ANKRD22: variants seen among roughly 807,000 people sequenced by gnomAD.
ANKRD22 encodes the protein ankyrin repeat domain 22, also known as ankyrin repeat domain-containing protein 22.
A neutral mutation model predicts 25.7 loss-of-function variants in ANKRD22; 24 were observed. That is an observed-to-expected ratio of 0.93 (90% CI 0.68 to 1.31). The LOEUF is 1.31. ANKRD22 is among the 50% of genes most tolerant of loss of function. The probability of loss-of-function intolerance (pLI) is 0.00; values close to 1 mark genes in which losing one functional copy is unlikely to be tolerated. For missense variants in ANKRD22, 214 were observed against 227.1 expected, an observed-to-expected ratio of 0.94 and a Z score of 0.37; for synonymous variants, 84 against 84.3, an observed-to-expected ratio of 1.00 and a Z score of 0.02.
At chr10:88,827,390 T>C (rs115259278) in intron 3 of ANKRD22, among the ~76,000 whole-genome samples, 1,950 of 152,348 alleles carry the variant, frequency 0.013, 48 homozygotes, top group African/African-American at 0.044. Context: ...CTCCAGCCTC[T>C]AAACATTGAA....
chr10:88,840,554 T>C (rs1843994786), intron 1 of ANKRD22, among the ~76,000 whole-genome samples: 1 of 152,046 alleles, frequency 6.6e-6, no homozygotes, highest in South Asian at 2.1e-4. Context: ...TGCCTGTGGC[T>C]CAGAGGAATT....
intron 1 of ANKRD22, among the ~76,000 whole-genome samples, chr10:88,850,771 G>GAT (rs149109910): frequency 0.016 from 2,438 of 152,110 alleles, 63 homozygotes; most frequent in East Asian, 0.14. Flanking sequence ...CACACGGAGA[G>GAT]ATATATACAC....
At chr10:88,824,165 T>G (rs1843831876) in intron 4 of ANKRD22, among the ~76,000 whole-genome samples, 1 of 152,220 alleles carries the variant, frequency 6.6e-6, no homozygotes, top group South Asian at 2.1e-4. Context: ...CAGAGACATT[T>G]CCCAAACGTG....
intron 4 of ANKRD22, among the ~76,000 whole-genome samples, chr10:88,825,414 C>A (rs1353411375): frequency 6.6e-6 from 1 of 152,248 alleles, no homozygotes; most frequent in Admixed American, 6.5e-5. Context: ...GCGGATGCTG[C>A]TACTGTTGTT....
intron 3 of ANKRD22, among the ~76,000 whole-genome samples, chr10:88,826,364 AC>A (rs1843856260): frequency 6.6e-6 from 1 of 152,106 alleles, no homozygotes; most frequent in South Asian, 2.1e-4. Flanking sequence ...CTCAGGTCCC[AC>A]CCCAAACCTA....
chr10:88,820,496 T>C lies in ANKRD22; in HGVS notation c.*2445A>G. 1 of 1,549,994 alleles carries C rather than the reference T, an allele frequency of 6.5e-7. No homozygotes were observed. Among genetic ancestry groups the C allele is most frequent in the Non-Finnish European group, 8.7e-7 (1 of 1,146,650 alleles). ...TTCCCAGGGACGGTGTGAGGCCGTA[T>C]TGTGAAGCATCTGACACTGACGATC... is the stretch of plus-strand genomic sequence containing the variant. On this transcript the variant is annotated 3_prime_UTR_variant, in exon 6 of 6. Transcript: ENST00000371930.
rs533612534 is a variant in ANKRD22, at chr10:88,821,480, A to G, written c.*1461T>C. Among the ~76,000 whole-genome samples the G allele has an allele frequency of 1.6e-4, 24 of 152,358 alleles. No individual in the cohort carries two copies. The highest frequency in any genetic ancestry group is 1.9e-4 in the African/African-American group (8 of 41,580). On this transcript the variant is annotated 3_prime_UTR_variant, in exon 6 of 6. Transcript: ENST00000371930. Reference sequence around the variant, plus strand: ...CCAAATCAAAGGTTTGTGTGTGTCAAAAGTATATTGTTGAAGGTATACTGG... The same window carrying G: ...CCAAATCAAAGGTTTGTGTGTGTCAGAAGTATATTGTTGAAGGTATACTGG...
Position 88,826,118 on chromosome 10 carries a change from A to G in ANKRD22, c.322-3T>C, listed in dbSNP as rs989734844. On this transcript the variant is annotated splice_polypyrimidine_tract_variant and splice_region_variant and intron_variant, in intron 3 of 5. Coordinates refer to ENST00000371930, the MANE Select transcript of ANKRD22 (RefSeq NM_144590.3). ...TCATTCTGCTTTGTCTTTGATACCTATTACAAATGGTAATTATAAGAAAGG... is the reference window on the plus strand; with the variant it reads ...TCATTCTGCTTTGTCTTTGATACCTGTTACAAATGGTAATTATAAGAAAGG... 7.5e-6 allele frequency: 12 copies of G among 1,601,022 alleles called. No homozygotes were observed. Among genetic ancestry groups the G allele is most frequent in the African/African-American group, 5.4e-5 (4 of 74,498 alleles).
At position 88,821,338 on chromosome 10, in the gene ANKRD22, C is replaced by T. The variant is rs1264544509; in HGVS notation, c.*1603G>A. Among the ~76,000 whole-genome samples, 2 of 152,224 alleles carry T rather than the reference C, an allele frequency of 1.3e-5. No homozygotes were observed. Among genetic ancestry groups the T allele is most frequent in the Non-Finnish European group, 1.5e-5 (1 of 68,046 alleles). ...CTTGACAAAGTTAATGTCAGACAGT[C>T]TCTGCAACTCATTGACAAACCATGA... On this transcript the variant is annotated 3_prime_UTR_variant, in exon 6 of 6. Transcript: ENST00000371930.
chr10:88,849,715 T>C (rs1844085775), intron 1 of ANKRD22, among the ~76,000 whole-genome samples: 1 of 152,138 alleles, frequency 6.6e-6, no homozygotes, highest in African/African-American at 2.4e-5. Flanking sequence ...TTGTTGCTAT[T>C]GTAAATATTA....
At position 88,822,897 on chromosome 10, in the gene ANKRD22, AG is replaced by A. The variant is rs942186046; in HGVS notation, c.*43del. On this transcript the variant is annotated 3_prime_UTR_variant, in exon 6 of 6. Transcript: ENST00000371930. ...AAAGTCTAAAATGAAGATAGAATCC[AG>A]TCGTTAACTTTTTCTGTATCTCCAT... 2 of 1,538,266 alleles carry A rather than the reference AG, an allele frequency of 1.3e-6. No individual in the cohort carries two copies. The highest frequency in any genetic ancestry group is 2.7e-5 in the African/African-American group (2 of 72,826).
At chr10:88,823,130 T>G in intron 5 of ANKRD22, 112 bp from the exon 6 acceptor site, 1 of 1,242,506 alleles carries the variant, frequency 8.0e-7, no homozygotes, top group Admixed American at 1.8e-5. Context: ...CAATCAGTCC[T>G]AATAGTAATA....
intron 1 of ANKRD22, among the ~76,000 whole-genome samples, chr10:88,849,070 C>T (rs1460702075): frequency 6.6e-6 from 1 of 151,636 alleles, no homozygotes; most frequent in East Asian, 1.9e-4. Context: ...ATAATGAGAA[C>T]TTCCCAATGT....
chr10:88,831,803 A>T, intron 2 of ANKRD22, 32 bp downstream of exon 2: 1 of 1,550,822 alleles, frequency 6.4e-7, no homozygotes, highest in Non-Finnish European at 8.7e-7. Context: ...TATCATGAAC[A>T]ATTACACTCT....
At chr10:88,849,015 TGTGTGTGTGTGTGG>T (rs1263995395) in intron 1 of ANKRD22, among the ~76,000 whole-genome samples, 1 of 151,730 alleles carries the variant, frequency 6.6e-6, no homozygotes, top group Non-Finnish European at 1.5e-5. Context: ...CATGTGTGTG[TGTGTGTGTGTGTGG>T]GTGTGTGTGC....
At chr10:88,835,056 C>T (rs1222989332) in intron 1 of ANKRD22, among the ~76,000 whole-genome samples, 2 of 152,182 alleles carry the variant, frequency 1.3e-5, no homozygotes, top group East Asian at 3.8e-4. Flanking sequence ...CCCCACCACT[C>T]GCCATCACAT....
chr10:88,849,603 A>G (rs962172575), intron 1 of ANKRD22, among the ~76,000 whole-genome samples: 8 of 152,134 alleles, frequency 5.3e-5, no homozygotes, highest in Non-Finnish European at 1.2e-4. Context: ...TAAAATAAGG[A>G]TACTAAAAGT....
At chr10:88,842,848 G>C (rs964404637) in intron 1 of ANKRD22, among the ~76,000 whole-genome samples, 1 of 152,110 alleles carries the variant, frequency 6.6e-6, no homozygotes, top group African/African-American at 2.4e-5. Flanking sequence ...AATAGACATA[G>C]TGTTATGAAT....
In ANKRD22 at chr10:88,832,453, T is replaced by TTATCTTTATCTTTACTAAAGATAAAA. The variant is rs1564604126; in HGVS notation, c.22-453_22-428dup. On this transcript the variant is annotated intron_variant, in intron 1 of 5. Transcript: ENST00000371930. ...TATCTTTACTAAAGACAAAATACCT[T>TTATCTTTATCTTTACTAAAGATAAAA]TATCTTTATCTTTACTAAAGATAAA... is the stretch of plus-strand genomic sequence containing the variant. 2.8e-3 allele frequency among the ~76,000 whole-genome samples: 418 copies of TTATCTTTATCTTTACTAAAGATAAAA among 150,688 alleles called. 3 individuals carry two copies. The highest frequency in any genetic ancestry group is 0.013 in the Admixed American group (205 of 15,204).
Sources: gnomAD v4.1 joint callset for allele counts (sites outside exome capture counted in the v4.1 genomes callset) on GRCh38, gnomAD v4.1.1 for gene constraint, MANE v1.5 for transcripts, NCBI Gene and HGNC (gene_info 2026-07-23, HGNC 2026-07-21) for gene names.